The following HELZ2 variants were observed in gnomAD, a reference collection of about 807,000 sequenced individuals.
HELZ2 encodes the protein 3'-5' exoribonuclease HELZ2.
In HELZ2, 143 loss-of-function variants were observed where a neutral mutation model predicts 208.8. That is an observed-to-expected ratio of 0.68 (90% confidence interval 0.60 to 0.79). HELZ2 has a LOEUF of 0.79. HELZ2 is among the 30% of genes least tolerant of loss of function. The pLI, the probability that HELZ2 is intolerant of heterozygous loss-of-function variation, is 0.00. For missense variants in HELZ2, 3,690 were observed against 3,794.5 expected (o/e 0.97, Z 0.72); for synonymous variants, 1,705 against 1,693.7 (o/e 1.01, Z -0.16).
upstream of HELZ2, chr20:63,572,630 A>T: frequency 2.0e-6 from 1 of 508,882 alleles, no homozygotes; most frequent in Non-Finnish European, 3.4e-6. Flanking sequence ...CCTGAAGCAG[A>T]GGGAGCAAAG....
upstream of HELZ2, chr20:63,572,629 G>T: frequency 2.0e-6 from 1 of 511,582 alleles, no homozygotes; most frequent in Non-Finnish European, 3.4e-6. Context: ...GCCTGAAGCA[G>T]AGGGAGCAAA....
rs1216519558 is a variant in HELZ2, at chr20:63,559,814, T to G, written c.7825+114A>C. 6 of 975,286 alleles carry G rather than the reference T, an allele frequency of 6.2e-6. No homozygotes were observed. In the East Asian group the frequency reaches 1.2e-4, roughly 20 times the overall value. 60.4% of individuals were successfully genotyped at this position (975,286 alleles called of 1,614,324 possible). ...TCAGGTGGGAGGAGTCAGGGTCAGG[T>G]GGGAGGAGTCAGGGTCAGGTCGGAG... On this transcript the variant is annotated intron_variant, in intron 18 of 18. Coordinates refer to ENST00000467148, the Ensembl canonical transcript of HELZ2.
intron 14 of HELZ2, 69 bp downstream of exon 15, chr20:63,561,013 A>G: frequency 1.9e-6 from 3 of 1,594,630 alleles, no homozygotes; most frequent in Non-Finnish European, 2.6e-6. Flanking sequence ...CTGCACACAC[A>G]GGGCACCCCA....
At chr20:63,567,792 G>C in intron 5 of HELZ2, 165 bp from the exon 7 acceptor site, 1 of 1,432,782 alleles carries the variant, frequency 7.0e-7, no homozygotes, top group African/African-American at 1.4e-5. Context: ...AGTCCAAGGG[G>C]CAAGAGGCCA....
exon 13 of HELZ2, chr20:63,561,373 G>C (rs968884195): frequency 6.2e-7 from 1 of 1,613,074 alleles, no homozygotes; most frequent in Non-Finnish European, 8.5e-7. Context: ...CCCTGGAGAA[G>C]AGCTCCCCTC....
intron 6 of HELZ2, 128 bp from the exon 8 acceptor site, chr20:63,566,581 C>CG (rs2082960934): frequency 1.5e-6 from 1 of 676,590 alleles, no homozygotes; most frequent in Non-Finnish European, 2.5e-6. Flanking sequence ...GGGCCACCCC[C>CG]GACAAGGAGA....
chr20:63,563,653 C>T (rs377452881), exon 8 of HELZ2: 104 of 1,554,710 alleles, frequency 6.7e-5, no homozygotes, highest in Non-Finnish European at 9.0e-5. Context: ...GGCTGCGCGC[C>T]CGCCGCTGAT....
chr20:63,570,014 T>C, intron 3 of HELZ2: 2 of 453,760 alleles, frequency 4.4e-6, no homozygotes, highest in Non-Finnish European at 8.1e-6. Context: ...AATGGCGCGA[T>C]CTCAACTCAC....
chr20:63,560,216 C>T, exon 17 of HELZ2: 1 of 1,557,738 alleles, frequency 6.4e-7, no homozygotes, highest in South Asian at 1.2e-5. Flanking sequence ...GCGATGCCCT[C>T]TCGCCGAAGG....
At chr20:63,564,972 G>C in exon 8 of HELZ2, 1 of 1,604,718 alleles carries the variant, frequency 6.2e-7, no homozygotes, top group Non-Finnish European at 8.5e-7. Context: ...AGCACCTCCC[G>C]GACGATGCCC....
chr20:63,566,413 C>T lies in HELZ2; in HGVS notation c.2555G>A (p.Gly852Asp), dbSNP rs1215049652. The T allele has an allele frequency of 3.2e-6, 5 of 1,548,410 alleles. No individual in the cohort carries two copies. In the Admixed American group the frequency reaches 7.8e-5, roughly 24 times the overall value. Residue 852 changes from glycine (G) to aspartate (D), a missense_variant, in exon 7 of 19, where the codon GGC becomes GAC. Physicochemically the swap from Gly to Asp is moderately conservative, Grantham distance 94. This residue lies in a region of HELZ2 where 2,564 missense variants were observed against 2,580.5 expected (regional missense o/e 0.99). Coordinates refer to ENST00000467148, the Ensembl canonical transcript of HELZ2. ...CTCAAAACTGCCGACAGACACCTGG[C>T]CTAGGTCCCGCCTCCTCAGCTCCTG...
chr20:63,566,898 G>A (rs778323842), exon 6 of HELZ2: 2 of 1,608,608 alleles, frequency 1.2e-6, no homozygotes, highest in East Asian at 4.5e-5. Flanking sequence ...CGCCCCAGCA[G>A]CTGGGCCAGG....
chr20:63,561,693 C>G, exon 12 of HELZ2: 1 of 1,612,444 alleles, frequency 6.2e-7, no homozygotes. Context: ...TGGCCTCAGC[C>G]TGCTCACTGT....
In HELZ2 at chr20:63,563,947, G is replaced by A. The variant is rs115825588; in HGVS notation, c.4875C>T (p.Asp1625=). 284 of 1,594,884 alleles carry A rather than the reference G, an allele frequency of 1.8e-4. 1 individual carries two copies. The South Asian group carries it at 1.9e-3, about 11-fold the overall frequency. ...CAGGAGCCAGGAATGGGTGCATGTC[G>A]TCCGTGGTGACCAAGTCCACCATCT... The change falls in exon 8 of 19, where the codon GAC becomes GAT. Residue 1625 remains aspartate (D), a synonymous_variant. Coordinates refer to ENST00000467148, the Ensembl canonical transcript of HELZ2.
intron 5 of HELZ2, 34 bp downstream of exon 6, chr20:63,568,322 TCA>T: frequency 6.7e-7 from 1 of 1,502,634 alleles, no homozygotes; most frequent in Non-Finnish European, 9.2e-7. Context: ...GGGCCGGGCG[TCA>T]GGTGAGGTGG....
At chr20:63,565,329 T>A in exon 8 of HELZ2, 1 of 1,607,380 alleles carries the variant, frequency 6.2e-7, no homozygotes, top group Non-Finnish European at 8.5e-7. Context: ...GCGAAGGCCA[T>A]CCCACAGTCC....
intron 5 of HELZ2, chr20:63,567,890 A>G (rs2082979844): frequency 1.6e-6 from 1 of 642,200 alleles, no homozygotes; most frequent in Non-Finnish European, 2.6e-6. Flanking sequence ...AGAACCCCCA[A>G]TCCAGAAATC....
At chr20:63,564,532 G>A in exon 8 of HELZ2, 2 of 1,578,362 alleles carry the variant, frequency 1.3e-6, no homozygotes, top group Non-Finnish European at 1.7e-6. Context: ...CCATGGTGAG[G>A]AACAGGGAGA....
exon 4 of HELZ2, chr20:63,569,518 G>T (rs61745755): frequency 1.2e-6 from 2 of 1,609,894 alleles, no homozygotes; most frequent in Non-Finnish European, 1.7e-6. Flanking sequence ...GCCTGCACAC[G>T]CACTCCCACC....
Sources: allele counts gnomAD v4.1 joint callset, GRCh38; gene constraint gnomAD v4.1.1; regional missense constraint gnomAD v4.1.1; transcripts MANE v1.5; gene names NCBI Gene and HGNC (gene_info 2026-07-23, HGNC 2026-07-21).